Variants in PINX1 observed in about 807,000 individuals in gnomAD.
The protein encoded by PINX1 is PIN2 (TERF1) interacting telomerase inhibitor 1, also known as PIN2/TERF1-interacting telomerase inhibitor 1.
PINX1 carries 34 observed loss-of-function variants against 25.4 expected under a neutral mutation model. That is an observed-to-expected ratio of 1.34 (90% CI 1.02 to 1.78). PINX1 has a LOEUF of 1.78. Among genes scored for constraint, PINX1 ranks in the 40% most tolerant of loss-of-function variants. PINX1 has a pLI of 0.00. For synonymous variants in PINX1, 197 were observed against 147.7 expected, an observed-to-expected ratio of 1.33 and a Z score of -2.42; for missense variants, 592 against 404.9, an observed-to-expected ratio of 1.46 and a Z score of -3.97.
At chr8:10,802,861 G>C (rs1011130730) in intron 6 of PINX1, among the ~76,000 whole-genome samples, 1 of 152,142 alleles carries the variant, frequency 6.6e-6, no homozygotes, top group South Asian at 2.1e-4. Context: ...TTTGCTTCCA[G>C]CCCTGACTTC....
rs763600382 is a variant in PINX1 at position 10,833,002 on chromosome 8, A to G, written c.130-18T>C. 4.6e-6 allele frequency: 7 copies of G among 1,506,994 alleles called. No individual in the cohort carries two copies. The highest frequency in any genetic ancestry group is 6.4e-6 in the Non-Finnish European group (7 of 1,090,530). 93.4% of individuals were successfully genotyped at this position (1,506,994 alleles called of 1,614,324 possible). A position where few individuals can be genotyped will look rare whatever the true frequency, so the allele number is the denominator to read the frequency against. The stretch of plus-strand genomic sequence containing the variant: ...CCTAAACCCTGTGGAGATTAAACAC[A>G]GAGAGTTAGAACATTCCTCTCACTG... On this transcript the variant is annotated intron_variant, in intron 2 of 6. Transcript: ENST00000314787.
chr8:10,777,624 G>A (rs1174861557), intron 6 of PINX1, among the ~76,000 whole-genome samples: 2 of 152,090 alleles, frequency 1.3e-5, no homozygotes, highest in African/African-American at 2.4e-5. Flanking sequence ...AAGAGAAGAG[G>A]TTCTTCGTGT....
At chr8:10,815,310 A>C (rs781054283) in intron 6 of PINX1, among the ~76,000 whole-genome samples, 1 of 152,226 alleles carries the variant, frequency 6.6e-6, no homozygotes, top group Non-Finnish European at 1.5e-5. Context: ...TTTCATAAAC[A>C]TGTCCTAGAA....
At chr8:10,799,988 C>T (rs867982863) in intron 6 of PINX1, among the ~76,000 whole-genome samples, 4 of 152,190 alleles carry the variant, frequency 2.6e-5, no homozygotes, top group Non-Finnish European at 4.4e-5. Context: ...GGTCATATGA[C>T]TCACAAGGGC....
At chr8:10,834,194 A>G (rs558571616) in intron 2 of PINX1, among the ~76,000 whole-genome samples, 2 of 152,356 alleles carry the variant, frequency 1.3e-5, no homozygotes, top group Admixed American at 6.5e-5. Context: ...TGAGGTGAAA[A>G]GAAGAGCAGA....
At position 10,765,374 on chromosome 8, in the gene PINX1, G is replaced by C. The variant is rs759688646; in HGVS notation, c.*27C>G. The stretch of plus-strand genomic sequence containing the variant: ...CCCCGCAGTGCCCTGACAGCTGAGT[G>C]GTCGGAAGGCCCCGGCTGGGAAGGA... On this transcript the variant is annotated 3_prime_UTR_variant, in exon 7 of 7. Transcript: ENST00000314787. The C allele has an allele frequency of 6.4e-7, 1 of 1,554,302 alleles. No individual in the cohort carries two copies. The highest frequency in any genetic ancestry group is 1.4e-5 in the African/African-American group (1 of 73,674).
At chr8:10,799,385 T>C (rs1224907941) in intron 6 of PINX1, among the ~76,000 whole-genome samples, 1 of 152,224 alleles carries the variant, frequency 6.6e-6, no homozygotes, top group African/African-American at 2.4e-5. Flanking sequence ...CCCCGAGGCC[T>C]GACAGTTGCT....
At chr8:10,829,789 G>C (rs7825100) in intron 4 of PINX1, among the ~76,000 whole-genome samples, 11 of 151,958 alleles carry the variant, frequency 7.2e-5, no homozygotes, top group African/African-American at 2.7e-4. Context: ...AGGTTCAAGC[G>C]ATTCTCCTGC....
At position 10,765,365 on chromosome 8, in the gene PINX1, C is replaced by G. The variant is rs773900993; in HGVS notation, c.*36G>C. 68 of 1,542,314 alleles carry G rather than the reference C, an allele frequency of 4.4e-5. No individual in the cohort carries two copies. Among genetic ancestry groups the G allele is most frequent in the Non-Finnish European group, 5.2e-5 (60 of 1,150,046 alleles). On this transcript the variant is annotated 3_prime_UTR_variant, in exon 7 of 7. Transcript: ENST00000314787. ...GGTGTCTGCCCCCGCAGTGCCCTGA[C>G]AGCTGAGTGGTCGGAAGGCCCCGGC...
At chr8:10,775,915 C>G (rs1193541918) in intron 6 of PINX1, among the ~76,000 whole-genome samples, 3 of 151,338 alleles carry the variant, frequency 2.0e-5, no homozygotes, top group African/African-American at 4.9e-5. Context: ...TCTCAGGAAG[C>G]TTTGGCTGCA....
At chr8:10,828,341 G>A (rs17152584) in intron 4 of PINX1, among the ~76,000 whole-genome samples, 13,380 of 152,240 alleles carry the variant, frequency 0.088, 768 homozygotes, top group Non-Finnish European at 0.13. Flanking sequence ...GCTTAAAGCG[G>A]CTCCTACCGA....
At chr8:10,789,111 G>A (rs1234788960) in intron 6 of PINX1, among the ~76,000 whole-genome samples, 8 of 152,298 alleles carry the variant, frequency 5.3e-5, no homozygotes, top group Admixed American at 2.0e-4. Context: ...CTCACGGGAT[G>A]AGCAGGCATC....
chr8:10,777,004 C>T (rs1002568224), intron 6 of PINX1, among the ~76,000 whole-genome samples: 1 of 152,184 alleles, frequency 6.6e-6, no homozygotes, highest in Non-Finnish European at 1.5e-5. Context: ...TGCACTAGAC[C>T]ATATGTATGT....
chr8:10,836,927 G>T (rs10088888), intron 1 of PINX1, among the ~76,000 whole-genome samples: 1 of 144,660 alleles, frequency 6.9e-6, no homozygotes, highest in Non-Finnish European at 1.5e-5. Flanking sequence ...GTAAGGAAAA[G>T]ACTGCCTCTG....
intron 6 of PINX1, among the ~76,000 whole-genome samples, chr8:10,789,313 A>C (rs562219305): frequency 9.8e-5 from 15 of 152,332 alleles, no homozygotes; most frequent in Admixed American, 8.5e-4. Context: ...TGACAGAGGA[A>C]GACTCTATGT....
At chr8:10,821,881 G>A (rs1456750766) in intron 5 of PINX1, 1 of 152,200 alleles carries the variant, frequency 6.6e-6, no homozygotes, top group Non-Finnish European at 1.5e-5. Flanking sequence ...GGAAGAGAGG[G>A]TACATGCGAG....
At chr8:10,834,576 G>A (rs888709680) in intron 2 of PINX1, 90 bp downstream of exon 2, 2 of 1,489,066 alleles carry the variant, frequency 1.3e-6, no homozygotes, top group Admixed American at 2.4e-5. Flanking sequence ...CAAAGCATAA[G>A]TTTCTTCCAG....
At chr8:10,772,819 G>C (rs912619677) in intron 6 of PINX1, among the ~76,000 whole-genome samples, 2 of 152,238 alleles carry the variant, frequency 1.3e-5, no homozygotes, top group African/African-American at 4.8e-5. Flanking sequence ...ATGTGAAACA[G>C]GTGTAAGAAC....
chr8:10,772,314 C>G (rs1469876893), intron 6 of PINX1, among the ~76,000 whole-genome samples: 4 of 152,204 alleles, frequency 2.6e-5, no homozygotes, highest in Non-Finnish European at 5.9e-5. Context: ...TCTAGGGAGT[C>G]ATTGAAATGG....
Sources: gnomAD v4.1 joint callset for allele counts (sites outside exome capture counted in the v4.1 genomes callset) on GRCh38, gnomAD v4.1.1 for gene constraint, MANE v1.5 for transcripts, NCBI Gene and HGNC (gene_info 2026-07-23, HGNC 2026-07-21) for gene names.